The following FRYL variants were observed in gnomAD, a reference collection of about 807,000 sequenced individuals.
The protein encoded by FRYL is protein furry homolog-like.
A neutral mutation model predicts 351.2 loss-of-function variants in FRYL; 150 were observed. The observed-to-expected ratio is 0.43, with a 90% CI of 0.37 to 0.49. FRYL has a LOEUF of 0.49. Ranked by LOEUF, FRYL falls within the 20% of genes least tolerant of loss-of-function variation. The pLI is 0.00. For missense variants in FRYL, 3,036 were observed against 3,619.3 expected (o/e 0.84, Z 4.13); for synonymous variants, 1,153 against 1,257.1 (o/e 0.92, Z 1.75).
chr4:48,590,688 G>T lies in FRYL; in HGVS notation c.1478C>A (p.Thr493Asn). 1 of 1,611,022 alleles carries T rather than the reference G, an allele frequency of 6.2e-7. No homozygotes were observed. Among genetic ancestry groups the T allele is most frequent in the East Asian group, 2.2e-5 (1 of 44,826 alleles). ...GACTTTTGCTTCTTCATCTGTCAAGGTTTTATTGAGAAATATTTTCTTTAC... is the reference window on the plus strand; with the variant it reads ...GACTTTTGCTTCTTCATCTGTCAAGTTTTTATTGAGAAATATTTTCTTTAC... ...LRVKKIFLNK[T>N]LTDEEAKVIG... The change falls in exon 17 of 64, where the codon ACC becomes AAC. Residue 493 changes from threonine (T) to asparagine (N), a missense_variant. Around this residue, in one of 7 missense-constraint regions of FRYL, gnomAD observed 3 missense variants for 23.3 expected, o/e 0.13. Coordinates refer to ENST00000358350, the MANE Select transcript of FRYL (RefSeq NM_015030.2).
Position 48,539,958 on chromosome 4 carries a change from A to T in FRYL, c.6393+13T>A. ...TCCCTATAGTGTTACCTTTCAGCAT[A>T]ACATTTGCTTACCTTTGCTATTCGA... is the stretch of plus-strand genomic sequence containing the variant. On this transcript the variant is annotated intron_variant, in intron 47 of 63. Transcript: ENST00000358350. 6.3e-7 allele frequency: 1 copy of T among 1,583,334 alleles called. No homozygotes were observed. Among genetic ancestry groups the T allele is most frequent in the Non-Finnish European group, 8.7e-7 (1 of 1,153,156 alleles).
At chr4:48,604,868 C>T in intron 11 of FRYL, among the ~76,000 whole-genome samples, 1 of 152,090 alleles carries the variant, frequency 6.6e-6, no homozygotes, top group African/African-American at 2.4e-5. Context: ...CAACCTGCTC[C>T]TTTTGACGAA....
At chr4:48,585,720 A>G (rs1741963024) in intron 19 of FRYL, among the ~76,000 whole-genome samples, 1 of 152,226 alleles carries the variant, frequency 6.6e-6, no homozygotes, top group African/African-American at 2.4e-5. Context: ...AGTTGTACAT[A>G]CTTTTGTGGT....
chr4:48,516,020 G>T (rs1258424621), intron 55 of FRYL, among the ~76,000 whole-genome samples: 1 of 152,128 alleles, frequency 6.6e-6, no homozygotes, highest in Admixed American at 6.6e-5. Flanking sequence ...CCACACAGCA[G>T]GAGTAGGTAC....
intron 2 of FRYL, among the ~76,000 whole-genome samples, chr4:48,710,121 G>A (rs1364719089): frequency 6.6e-6 from 1 of 152,258 alleles, no homozygotes; most frequent in South Asian, 2.1e-4. Flanking sequence ...AAGAAGAGCT[G>A]GCATTGCACA....
At chr4:48,696,255 T>C (rs993473114) in intron 2 of FRYL, among the ~76,000 whole-genome samples, 8 of 152,072 alleles carry the variant, frequency 5.3e-5, no homozygotes, top group African/African-American at 1.9e-4. Context: ...CTATTTACAA[T>C]AGCAAAGACA....
At chr4:48,539,840 A>G in intron 47 of FRYL, 131 bp downstream of exon 47, 1 of 632,926 alleles carries the variant, frequency 1.6e-6, no homozygotes, top group African/African-American at 1.8e-5. Flanking sequence ...GTGCATAAAA[A>G]TAAAAATTTA....
intron 1 of FRYL, among the ~76,000 whole-genome samples, chr4:48,777,008 T>C (rs1256669844): frequency 6.6e-6 from 1 of 152,160 alleles, no homozygotes; most frequent in African/African-American, 2.4e-5. Context: ...CATTAAACTG[T>C]ATACATCTGA....
chr4:48,536,791 C>T (rs1392086906), intron 47 of FRYL, among the ~76,000 whole-genome samples: 2 of 152,106 alleles, frequency 1.3e-5, no homozygotes, highest in Non-Finnish European at 2.9e-5. Context: ...AAGAAACTGT[C>T]CTTTTAAATA....
At chr4:48,757,641 A>G (rs955406176) in intron 1 of FRYL, among the ~76,000 whole-genome samples, 8 of 152,336 alleles carry the variant, frequency 5.3e-5, no homozygotes, top group African/African-American at 1.7e-4. Flanking sequence ...GGAAGAATCA[A>G]TATCGTGAAA....
chr4:48,692,688 G>A (rs1313480130), intron 2 of FRYL, among the ~76,000 whole-genome samples: 1 of 152,150 alleles, frequency 6.6e-6, no homozygotes, highest in Non-Finnish European at 1.5e-5. Flanking sequence ...CCCGGCCTAA[G>A]CCTTAGTTTC....
chr4:48,544,973 C>T, intron 42 of FRYL, 69 bp from the exon 43 acceptor site: 4 of 1,487,510 alleles, frequency 2.7e-6, no homozygotes, highest in Non-Finnish European at 2.7e-6. Flanking sequence ...CTCACACTTG[C>T]CTAAATTACA....
At chr4:48,655,426 A>C (rs1322467969) in intron 3 of FRYL, among the ~76,000 whole-genome samples, 2 of 152,032 alleles carry the variant, frequency 1.3e-5, no homozygotes, top group African/African-American at 4.8e-5. Context: ...AAAAAAGTGC[A>C]TCCCACAGCC....
chr4:48,708,328 A>G (rs1767616279), intron 2 of FRYL, among the ~76,000 whole-genome samples: 1 of 151,870 alleles, frequency 6.6e-6, no homozygotes. Context: ...TTAGCCAGGC[A>G]TGGTAGCACA....
chr4:48,547,964 T>A (rs1731738904), intron 40 of FRYL, among the ~76,000 whole-genome samples, 195 bp from the exon 41 acceptor site: 1 of 152,160 alleles, frequency 6.6e-6, no homozygotes, highest in African/African-American at 2.4e-5. Flanking sequence ...CTAGGGAGAC[T>A]CAAGGTAAGC....
chr4:48,563,864 G>A (rs1456674070), intron 31 of FRYL, 84 bp downstream of exon 31: 2 of 1,438,894 alleles, frequency 1.4e-6, no homozygotes, highest in South Asian at 1.4e-5. Context: ...CTAAACTGGT[G>A]TCTTCCTATT....
chr4:48,688,658 ATTTTTTTT>A lies in FRYL; in HGVS notation c.-203-3871_-203-3864del, dbSNP rs11355390. 5.0e-3 allele frequency among the ~76,000 whole-genome samples: 434 copies of A among 86,466 alleles called. 1 individual carries two copies. Among genetic ancestry groups the A allele is most frequent in the Non-Finnish European group, 6.8e-3 (303 of 44,658 alleles). The allele number at this position is 86,466 out of a possible 152,430, so 56.7% of individuals were successfully genotyped here. ...CTTGCATTTAACCTTCTCTTAGTCA[ATTTTTTTT>A]TTTTTTTTTTTTTTTGAGATGGAGT... On this transcript the variant is annotated intron_variant, in intron 2 of 63. Transcript: ENST00000358350.
chr4:48,671,856 AACAAAAAAAAAAAAAAC>A (rs1762749998), intron 3 of FRYL, among the ~76,000 whole-genome samples: 2 of 109,224 alleles, frequency 1.8e-5, no homozygotes, highest in African/African-American at 7.2e-5. Flanking sequence ...CCGTCTCAAA[AACAAAAAAAAAAAAAAC>A]AAAAAAAAAA....
intron 13 of FRYL, among the ~76,000 whole-genome samples, chr4:48,596,391 T>C (rs1158189543): frequency 1.3e-5 from 2 of 152,178 alleles, no homozygotes; most frequent in Non-Finnish European, 2.9e-5. Context: ...CATATATAGT[T>C]AAAATTCAGA....
Sources: gnomAD v4.1 joint callset for allele counts (sites outside exome capture counted in the v4.1 genomes callset) on GRCh38, gnomAD v4.1.1 for gene constraint, gnomAD v4.1.1 regional missense constraint, MANE v1.5 for transcripts, NCBI Gene and HGNC (gene_info 2026-07-23, HGNC 2026-07-21) for gene names.